CPEB4: variants seen among roughly 807,000 people sequenced by gnomAD.
The protein encoded by CPEB4 is cytoplasmic polyadenylation element-binding protein 4.
CPEB4 carries 12 observed loss-of-function variants against 72.5 expected under a neutral mutation model. The ratio of observed to expected loss-of-function variants is 0.17; its 90% confidence interval spans 0.11 to 0.27. The LOEUF (loss-of-function observed/expected upper bound fraction) is 0.27. Ranked by LOEUF, CPEB4 falls within the 10% of genes least tolerant of loss-of-function variation. The pLI is 1.00. For synonymous variants in CPEB4, 302 were observed against 326.3 expected (o/e 0.93, Z 0.80); for missense variants, 614 against 908.5 (o/e 0.68, Z 4.17).
chr5:173,889,553 C>A lies in CPEB4; in HGVS notation c.-181C>A. 12 of 475,676 alleles carry A rather than the reference C, an allele frequency of 2.5e-5. No homozygotes were observed. Among genetic ancestry groups the A allele is most frequent in the Non-Finnish European group, 2.6e-5 (7 of 269,072 alleles). 29.5% of individuals were successfully genotyped at this position (475,676 alleles called of 1,614,324 possible). A position where few individuals can be genotyped will look rare whatever the true frequency, so the allele number is the denominator to read the frequency against. On this transcript the variant is annotated 5_prime_UTR_variant, in exon 1 of 10. Transcript: ENST00000265085. ...TTTTTTTAAGAGTTGTTTTTTCTTTCAGAGACCAGAATTCCAAATCAGAAC... is the reference window on the plus strand; with the variant it reads ...TTTTTTTAAGAGTTGTTTTTTCTTTAAGAGACCAGAATTCCAAATCAGAAC...
intron 2 of CPEB4, among the ~76,000 whole-genome samples, chr5:173,912,663 G>A (rs1424967588): frequency 1.3e-5 from 2 of 148,546 alleles, no homozygotes; most frequent in African/African-American, 2.5e-5. Flanking sequence ...GGTCTGGTGC[G>A]GTGGCTCACG....
At chr5:173,928,394 T>C (rs1757324579) in intron 2 of CPEB4, among the ~76,000 whole-genome samples, 1 of 152,138 alleles carries the variant, frequency 6.6e-6, no homozygotes, top group African/African-American at 2.4e-5. Context: ...GCTATGCATA[T>C]GTGGGGGCAG....
intron 4 of CPEB4, 60 bp downstream of exon 4, chr5:173,943,109 T>G: frequency 6.5e-7 from 1 of 1,540,788 alleles, no homozygotes; most frequent in Non-Finnish European, 8.9e-7. Flanking sequence ...CCAAGCTTGT[T>G]TAATTTCTAA....
At chr5:173,934,992 G>T (rs1190986409) in intron 3 of CPEB4, among the ~76,000 whole-genome samples, 1 of 152,050 alleles carries the variant, frequency 6.6e-6, no homozygotes, top group African/African-American at 2.4e-5. Context: ...TGCAAATCTG[G>T]CATAATGAAT....
rs1756196597 is a variant in CPEB4, at chr5:173,900,584, T to C, written c.1125+9726T>C. On this transcript the variant is annotated intron_variant, in intron 1 of 9. Transcript: ENST00000265085. This position sits in a 1 kb window ranked among gnomAD's most constrained non-coding sequence, Gnocchi z 4.4. ...CTGCTTTCCTTGAACTAATGACTTC[T>C]TGCCCTGAATAGTTTATTAGGGAGA... 6.6e-6 allele frequency among the ~76,000 whole-genome samples: 1 copy of C among 152,224 alleles called. No individual in the cohort carries two copies. Among genetic ancestry groups the C allele is most frequent in the East Asian group, 1.9e-4 (1 of 5,196 alleles).
chr5:173,911,873 T>A (rs1756677415), intron 2 of CPEB4, among the ~76,000 whole-genome samples: 1 of 152,126 alleles, frequency 6.6e-6, no homozygotes, highest in African/African-American at 2.4e-5. Context: ...GCCTGTTGTT[T>A]CAACTGGTGA....
intron 2 of CPEB4, among the ~76,000 whole-genome samples, chr5:173,914,582 C>T (rs572549419): frequency 2.0e-5 from 3 of 152,164 alleles, no homozygotes; most frequent in African/African-American, 7.2e-5. Flanking sequence ...ATGGTGAAAC[C>T]CCATCTCTAC....
At chr5:173,903,517 A>C (rs2340011) in intron 1 of CPEB4, among the ~76,000 whole-genome samples, 98,918 of 152,114 alleles carry the variant, frequency 0.65, 33,037 homozygotes, top group Non-Finnish European at 0.73. Flanking sequence ...ATTCTTGGAC[A>C]CGACCCATGC....
intron 5 of CPEB4, 139 bp from the exon 6 acceptor site, chr5:173,949,369 T>C (rs953731517): frequency 5.1e-6 from 3 of 593,242 alleles, no homozygotes; most frequent in South Asian, 2.2e-5. Context: ...TTATTAACAG[T>C]TGGGGAATCT....
At chr5:173,940,845 A>G (rs918273984) in intron 3 of CPEB4, among the ~76,000 whole-genome samples, 3 of 152,198 alleles carry the variant, frequency 2.0e-5, no homozygotes, top group African/African-American at 4.8e-5. Context: ...ATTTTCCCTT[A>G]ATATGAGAAA....
intron 2 of CPEB4, among the ~76,000 whole-genome samples, chr5:173,927,144 C>G (rs1462049623): frequency 6.6e-6 from 1 of 152,138 alleles, no homozygotes; most frequent in African/African-American, 2.4e-5. Context: ...GAGCGAGACT[C>G]TGTCTGAAAA....
intron 2 of CPEB4, among the ~76,000 whole-genome samples, chr5:173,911,136 G>A (rs923862937): frequency 6.6e-6 from 1 of 152,030 alleles, no homozygotes; most frequent in Non-Finnish European, 1.5e-5. Context: ...GACAAGTTGT[G>A]TTATCTTGAA....
intron 3 of CPEB4, 138 bp downstream of exon 3, chr5:173,932,638 T>C: frequency 1.6e-6 from 1 of 620,864 alleles, no homozygotes; most frequent in Non-Finnish European, 2.7e-6. Flanking sequence ...ATTTTAAGAA[T>C]GATTCTTTTA....
chr5:173,951,995 T>A lies in CPEB4; in HGVS notation c.1780+57T>A, dbSNP rs1341916317. 4.6e-6 allele frequency: 5 copies of A among 1,085,950 alleles called. No homozygotes were observed. The East Asian group carries it at 9.5e-5, about 21-fold the overall frequency. The allele number at this position is 1,085,950 out of a possible 1,614,324, so 67.3% of individuals were successfully genotyped here. On this transcript the variant is annotated intron_variant, in intron 8 of 9. Transcript: ENST00000265085. ...CTATAGCGCAAGAAATATGAAGATC[T>A]TCAGGATAAATTTTTCCTAAGAATT... is the stretch of plus-strand genomic sequence containing the variant.
chr5:173,919,797 A>G (rs1383522570), intron 2 of CPEB4, among the ~76,000 whole-genome samples: 3 of 152,210 alleles, frequency 2.0e-5, no homozygotes, highest in African/African-American at 7.2e-5. Flanking sequence ...TGTGCCACAG[A>G]ATTATTACTT....
At chr5:173,925,120 G>T (rs1297337563) in intron 2 of CPEB4, among the ~76,000 whole-genome samples, 1 of 152,186 alleles carries the variant, frequency 6.6e-6, no homozygotes, top group Non-Finnish European at 1.5e-5. Flanking sequence ...GGTAGAGGGA[G>T]TTACCCAGAA....
chr5:173,906,568 G>A (rs1049140163), intron 1 of CPEB4, among the ~76,000 whole-genome samples: 3 of 152,090 alleles, frequency 2.0e-5, no homozygotes, highest in Admixed American at 1.3e-4. Flanking sequence ...TTGTGTCATC[G>A]GACCTTATAC....
intron 5 of CPEB4, 73 bp from the exon 6 acceptor site, chr5:173,949,435 A>T: frequency 9.1e-7 from 1 of 1,099,026 alleles, no homozygotes; most frequent in Non-Finnish European, 1.4e-6. Flanking sequence ...TAGATTTGAA[A>T]CTTAAAAGAA....
intron 1 of CPEB4, among the ~76,000 whole-genome samples, chr5:173,893,904 T>C (rs1755907258): frequency 6.6e-6 from 1 of 152,192 alleles, no homozygotes; most frequent in South Asian, 2.1e-4. Context: ...TGGAGGATTT[T>C]TGTATATTAA....
Sources: gnomAD v4.1 joint callset for allele counts (sites outside exome capture counted in the v4.1 genomes callset) on GRCh38, gnomAD v4.1.1 for gene constraint, Gnocchi (gnomAD v3.1) non-coding constraint, MANE v1.5 for transcripts, NCBI Gene and HGNC (gene_info 2026-07-23, HGNC 2026-07-21) for gene names.